DBNL: variants seen among roughly 807,000 people sequenced by gnomAD.
DBNL encodes drebrin-like protein.
DBNL carries 35 observed loss-of-function variants against 62.2 expected under a neutral mutation model. That is an observed-to-expected ratio of 0.56 (90% CI 0.43 to 0.75). The LOEUF (loss-of-function observed/expected upper bound fraction) is 0.75. Among genes scored for constraint, DBNL ranks in the 30% least tolerant of loss-of-function variants. The pLI, the probability that DBNL is intolerant of heterozygous loss-of-function variation, is 0.00. For missense variants in DBNL, 495 were observed against 578.4 expected, an observed-to-expected ratio of 0.86 and a Z score of 1.48; for synonymous variants, 197 against 218.0, an observed-to-expected ratio of 0.90 and a Z score of 0.85.
rs770194022 is a variant in DBNL at position 44,065,561 on chromosome 7, C to G, written c.*4645C>G. 1.2e-6 allele frequency: 2 copies of G among 1,606,166 alleles called. No individual in the cohort carries two copies. The highest frequency in any genetic ancestry group is 1.7e-6 in the Non-Finnish European group (2 of 1,174,230). The stretch of plus-strand genomic sequence containing the variant: ...AGCAGGGACCACAGAGGACTCTGGA[C>G]GGGGACGGCTGCTTCCCAACACTCC... On this transcript the variant is annotated 3_prime_UTR_variant, in exon 13 of 13. Coordinates refer to ENST00000448521, the MANE Select transcript of DBNL (RefSeq NM_001014436.3).
chr7:44,048,687 G>A (rs550811140), intron 1 of DBNL, among the ~76,000 whole-genome samples: 5 of 152,332 alleles, frequency 3.3e-5, no homozygotes, highest in African/African-American at 1.2e-4. Context: ...GCAGGCCTGT[G>A]CTTTAGAGCC....
Position 44,051,891 on chromosome 7 carries a change from C to T in DBNL, c.201C>T (p.Cys67=). The change falls in exon 3 of 13, where the codon TGC becomes TGT. Residue 67 remains cysteine (C), a synonymous_variant. Transcript: ENST00000448521. ...GCGGGAAGGTGATGTACGCCTTCTGCAGAGTGAAGGACCCCAACTCTGGAC... is the reference window on the plus strand; with the variant it reads ...GCGGGAAGGTGATGTACGCCTTCTGTAGAGTGAAGGACCCCAACTCTGGAC... ...LNSGKVMYAF[C]RVKDPNSGLP... is the part of the protein sequence containing the mutation. 6.2e-7 allele frequency: 1 copy of T among 1,614,156 alleles called. No individual in the cohort carries two copies.
In DBNL at chr7:44,061,075, C is replaced by T; in HGVS notation, c.*159C>T. Reference sequence around the variant, plus strand: ...CCGGCTTGGCAGACTCAGCCTGTCACCCCAAATGCAGCAATGGCCTGGTGA... The same window carrying T: ...CCGGCTTGGCAGACTCAGCCTGTCATCCCAAATGCAGCAATGGCCTGGTGA... On this transcript the variant is annotated 3_prime_UTR_variant, in exon 13 of 13. Transcript: ENST00000448521. 3.1e-6 allele frequency: 3 copies of T among 957,360 alleles called. No individual in the cohort carries two copies. The highest frequency in any genetic ancestry group is 4.5e-6 in the Non-Finnish European group (3 of 663,762). The allele number at this position is 957,360 out of a possible 1,614,324, so 59.3% of individuals were successfully genotyped here.
chr7:44,052,209 C>T (rs532742235), intron 3 of DBNL, among the ~76,000 whole-genome samples: 24 of 152,206 alleles, frequency 1.6e-4, no homozygotes, highest in African/African-American at 2.4e-4. Flanking sequence ...GTCCTTGCTC[C>T]GTGCTCTTGA....
rs2096161123 is a variant in DBNL, at chr7:44,066,885, A to G, written c.*5969A>G. 6.6e-6 allele frequency: 1 copy of G among 152,288 alleles called. No individual in the cohort carries two copies. 9.4% of individuals were successfully genotyped at this position (152,288 alleles called of 1,614,324 possible). A position where few individuals can be genotyped will look rare whatever the true frequency, so the allele number is the denominator to read the frequency against. Reference sequence around the variant, plus strand: ...ATCCTGATTGAAGCCACATCTCCTCATCTGCTTTTGTCCCTTTGACCAAGA... The same window carrying G: ...ATCCTGATTGAAGCCACATCTCCTCGTCTGCTTTTGTCCCTTTGACCAAGA... On this transcript the variant is annotated 3_prime_UTR_variant, in exon 13 of 13. Coordinates refer to ENST00000448521, the MANE Select transcript of DBNL (RefSeq NM_001014436.3).
At chr7:44,058,853 G>A (rs374435609) in intron 8 of DBNL, 49 bp from the exon 9 acceptor site, 44 of 1,610,522 alleles carry the variant, frequency 2.7e-5, no homozygotes, top group Admixed American at 2.5e-4. Context: ...CTGGGGAGAG[G>A]TGGTGAAGGT....
At chr7:44,053,103 A>G (rs2096129546) in intron 4 of DBNL, among the ~76,000 whole-genome samples, 162 bp downstream of exon 4, 1 of 152,068 alleles carries the variant, frequency 6.6e-6, no homozygotes, top group Admixed American at 6.6e-5. Flanking sequence ...AGGCTGCTTC[A>G]CTCTCGGTCA....
chr7:44,050,425 G>A, intron 2 of DBNL, 145 bp downstream of exon 2: 1 of 761,982 alleles, frequency 1.3e-6, no homozygotes, highest in Non-Finnish European at 2.2e-6. Flanking sequence ...TTAGGTTTCA[G>A]ATATGTGTAA....
In DBNL at chr7:44,062,768, T is replaced by C; in HGVS notation, c.*1852T>C. On this transcript the variant is annotated 3_prime_UTR_variant, in exon 13 of 13. Transcript: ENST00000448521. ...TTTATTGCCCAAGCCCACCCCTCACTTGGCCTTGCCCTGGGCAGCCACAGC... is the reference window on the plus strand; with the variant it reads ...TTTATTGCCCAAGCCCACCCCTCACCTGGCCTTGCCCTGGGCAGCCACAGC... The C allele has an allele frequency of 1.2e-6, 2 of 1,614,158 alleles. No homozygotes were observed. The highest frequency in any genetic ancestry group is 1.7e-6 in the Non-Finnish European group (2 of 1,180,010).
Position 44,060,517 on chromosome 7 carries a change from C to T in DBNL, c.1154-260C>T, listed in dbSNP as rs1206224300. ...TGGAGAATGGGGTGGAGGCCCCCTACGGAGCAGGCTGGTGTCTACTCTAGC... is the reference window on the plus strand; with the variant it reads ...TGGAGAATGGGGTGGAGGCCCCCTATGGAGCAGGCTGGTGTCTACTCTAGC... On this transcript the variant is annotated intron_variant, in intron 12 of 12. Coordinates refer to ENST00000448521, the MANE Select transcript of DBNL (RefSeq NM_001014436.3). This position sits in a 1 kb window ranked among gnomAD's most constrained non-coding sequence, Gnocchi z 6.3. Among the ~76,000 whole-genome samples the T allele has an allele frequency of 5.3e-5, 8 of 152,100 alleles. No homozygotes were observed. In the East Asian group the frequency reaches 7.7e-4, roughly 15 times the overall value.
In DBNL at chr7:44,065,261, C is replaced by T. The variant is rs764804190; in HGVS notation, c.*4345C>T. Reference sequence around the variant, plus strand: ...GAGGCCTGTGAGGCCCCCGTAATGCCGCTCATTGAGGCGCCAAGTGCGCAC... The same window carrying T: ...GAGGCCTGTGAGGCCCCCGTAATGCTGCTCATTGAGGCGCCAAGTGCGCAC... On this transcript the variant is annotated 3_prime_UTR_variant, in exon 13 of 13. Coordinates refer to ENST00000448521, the MANE Select transcript of DBNL (RefSeq NM_001014436.3). 8 of 1,613,726 alleles carry T rather than the reference C, an allele frequency of 5.0e-6. No individual in the cohort carries two copies. The highest frequency in any genetic ancestry group is 4.0e-5 in the African/African-American group (3 of 74,942).
chr7:44,066,164 C>G lies in DBNL; in HGVS notation c.*5248C>G. The G allele has an allele frequency of 5.8e-6, 1 of 171,084 alleles. No homozygotes were observed. Among genetic ancestry groups the G allele is most frequent in the Non-Finnish European group, 1.3e-5 (1 of 77,650 alleles). 10.6% of individuals were successfully genotyped at this position (171,084 alleles called of 1,614,324 possible). ...GGGGGAAAGGGCCCCTGTCTTTCCT[C>G]CGGGGTCCCTTTGTCAAGGTCTCAT... is the stretch of plus-strand genomic sequence containing the variant. On this transcript the variant is annotated 3_prime_UTR_variant, in exon 13 of 13. Transcript: ENST00000448521.
chr7:44,054,530 ATTTT>A (rs1286137345), intron 4 of DBNL, among the ~76,000 whole-genome samples: 33 of 152,134 alleles, frequency 2.2e-4, no homozygotes, highest in African/African-American at 7.7e-4. Context: ...AGTTGTACAT[ATTTT>A]TTGCATACAT....
In DBNL at chr7:44,059,409, T is replaced by C; in HGVS notation, c.891T>C (p.Phe297=). 1.2e-6 allele frequency: 2 copies of C among 1,614,122 alleles called. No homozygotes were observed. The highest frequency in any genetic ancestry group is 1.1e-5 in the South Asian group (1 of 91,090). Residue 297 remains phenylalanine, a synonymous_variant, in exon 10 of 13, where the codon TTT becomes TTC. Coordinates refer to ENST00000448521, the MANE Select transcript of DBNL (RefSeq NM_001014436.3). This position sits in a 1 kb window ranked among gnomAD's most constrained non-coding sequence, Gnocchi z 4.1. ...AGCTCACCCAACCAGAGACCCACTT[T>C]GGCAGAGAGCCAGCTGCTGCCATCT... is the stretch of plus-strand genomic sequence containing the variant. ...QKQLTQPETH[F]GREPAAAISR...
Position 44,064,797 on chromosome 7 carries a change from A to AGCCCCCGCGCCACTCAGGGGG in DBNL, c.*3881_*3882insGCCCCCGCGCCACTCAGGGGG. 1.6e-6 allele frequency: 1 copy of AGCCCCCGCGCCACTCAGGGGG among 633,308 alleles called. No individual in the cohort carries two copies. Among genetic ancestry groups the AGCCCCCGCGCCACTCAGGGGG allele is most frequent in the Non-Finnish European group, 2.8e-6 (1 of 361,386 alleles). The allele number at this position is 633,308 out of a possible 1,614,324, so 39.2% of individuals were successfully genotyped here. The stretch of plus-strand genomic sequence containing the variant: ...GAGAAGCCAGCTGGGGCTGCTGCCC[A>AGCCCCCGCGCCACTCAGGGGG]CCCACCCTGCCCAGGCTCCTGAAGG... On this transcript the variant is annotated 3_prime_UTR_variant, in exon 13 of 13. Transcript: ENST00000448521.
intron 4 of DBNL, 70 bp downstream of exon 4, chr7:44,053,011 T>G (rs932449164): frequency 6.4e-7 from 1 of 1,551,604 alleles, no homozygotes; most frequent in Admixed American, 1.9e-5. Context: ...GGTTCCTGGG[T>G]GCGAGCAAGT....
intron 4 of DBNL, 54 bp downstream of exon 4, chr7:44,052,995 C>T (rs763475942): frequency 1.9e-6 from 3 of 1,582,924 alleles, no homozygotes; most frequent in Non-Finnish European, 1.7e-6. Flanking sequence ...GGCTTGAGGT[C>T]TCGCAGGTTC....
intron 1 of DBNL, among the ~76,000 whole-genome samples, chr7:44,046,765 T>A (rs2096118032): frequency 6.6e-6 from 1 of 152,356 alleles, no homozygotes; most frequent in Non-Finnish European, 1.5e-5. Context: ...GAAAAATATC[T>A]GGACCATGTC....
chr7:44,065,089 G>A lies in DBNL; in HGVS notation c.*4173G>A, dbSNP rs1186869936. 1.2e-6 allele frequency: 2 copies of A among 1,613,000 alleles called. No homozygotes were observed. Among genetic ancestry groups the A allele is most frequent in the East Asian group, 2.2e-5 (1 of 44,880 alleles). On this transcript the variant is annotated 3_prime_UTR_variant, in exon 13 of 13. Coordinates refer to ENST00000448521, the MANE Select transcript of DBNL (RefSeq NM_001014436.3). ...CGACTCCCCACTCTGCAGCTTCCCA[G>A]AGGCCTTCCCAGCAAAGGCAGCCCA...
Sources: allele counts gnomAD v4.1 joint callset (sites outside exome capture counted in the v4.1 genomes callset), GRCh38; gene constraint gnomAD v4.1.1; non-coding constraint Gnocchi (gnomAD v3.1); transcripts MANE v1.5; gene names NCBI Gene and HGNC (gene_info 2026-07-23, HGNC 2026-07-21).